The following C8orf34 variants were observed in gnomAD, a reference collection of about 807,000 sequenced individuals.
The protein encoded by C8orf34 is chromosome 8 open reading frame 34, also known as uncharacterized protein C8orf34.
A neutral mutation model predicts 68.3 loss-of-function variants in C8orf34; 65 were observed. That is an observed-to-expected ratio of 0.95 (90% CI 0.78 to 1.17). The LOEUF (loss-of-function observed/expected upper bound fraction) is 1.17, where lower values mean the gene tolerates loss of function less well. Among genes scored for constraint, C8orf34 ranks in the 50% most tolerant of loss-of-function variants. C8orf34 has a pLI of 0.00. For synonymous variants in C8orf34, 244 were observed against 241.2 expected (o/e 1.01, Z -0.11); for missense variants, 664 against 655.4 (o/e 1.01, Z -0.14).
At chr8:68,403,240 G>A (rs770442959) in intron 1 of C8orf34, among the ~76,000 whole-genome samples, 4 of 151,862 alleles carry the variant, frequency 2.6e-5, no homozygotes, top group Non-Finnish European at 4.4e-5. Context: ...AGTGATTCCT[G>A]TGTCATGCTC....
chr8:68,724,947 C>T (rs1367739380), intron 10 of C8orf34, among the ~76,000 whole-genome samples: 1 of 151,992 alleles, frequency 6.6e-6, no homozygotes, highest in Admixed American at 6.6e-5. Context: ...GCAGCCTTGA[C>T]CTTCTGGGCT....
chr8:68,640,278 G>C (rs1818965566), intron 7 of C8orf34, 98 bp from the exon 8 acceptor site: 2 of 1,122,014 alleles, frequency 1.8e-6, no homozygotes, highest in Non-Finnish European at 2.6e-6. Flanking sequence ...ATATTGTTTT[G>C]CTTAACAAAC....
intron 7 of C8orf34, among the ~76,000 whole-genome samples, chr8:68,555,435 C>G (rs923309604): frequency 1.2e-4 from 19 of 152,046 alleles, no homozygotes; most frequent in Non-Finnish European, 2.9e-5. Context: ...TTCATGCATT[C>G]TACTTACATT....
At chr8:68,801,327 G>A (rs1032167402) in intron 12 of C8orf34, among the ~76,000 whole-genome samples, 37 of 152,158 alleles carry the variant, frequency 2.4e-4, no homozygotes, top group African/African-American at 8.9e-4. Flanking sequence ...AAAAACAGAA[G>A]ATACGGCAAT....
At chr8:68,594,661 T>C (rs941297671) in intron 7 of C8orf34, among the ~76,000 whole-genome samples, 1 of 152,140 alleles carries the variant, frequency 6.6e-6, no homozygotes. Flanking sequence ...TATATTTCTA[T>C]GTTCTACTAT....
intron 3 of C8orf34, among the ~76,000 whole-genome samples, chr8:68,460,306 G>C (rs1373151234): frequency 6.6e-6 from 1 of 152,236 alleles, no homozygotes; most frequent in South Asian, 2.1e-4. Context: ...ACTGCTTGGA[G>C]CCCACCACAG....
intron 5 of C8orf34, among the ~76,000 whole-genome samples, chr8:68,512,586 T>TA (rs1321535893): frequency 6.6e-6 from 1 of 152,156 alleles, no homozygotes; most frequent in Non-Finnish European, 1.5e-5. Context: ...TTTAAATAAG[T>TA]AAAAACCTTT....
At chr8:68,559,205 G>A (rs982691228) in intron 7 of C8orf34, among the ~76,000 whole-genome samples, 3 of 152,188 alleles carry the variant, frequency 2.0e-5, no homozygotes, top group African/African-American at 7.2e-5. Context: ...AGGAATACAG[G>A]TGGAAGATGA....
At chr8:68,698,045 A>G (rs1340714460) in intron 8 of C8orf34, among the ~76,000 whole-genome samples, 1 of 151,588 alleles carries the variant, frequency 6.6e-6, no homozygotes, top group Non-Finnish European at 1.5e-5. Flanking sequence ...TCCTTTATTT[A>G]CTCTTCAAAA....
At chr8:68,661,713 C>G (rs1819684748) in intron 8 of C8orf34, among the ~76,000 whole-genome samples, 1 of 152,082 alleles carries the variant, frequency 6.6e-6, no homozygotes, top group African/African-American at 2.4e-5. Context: ...CTGCTGCAGG[C>G]ATGTTTAGGT....
chr8:68,539,252 T>C (rs1026736786), intron 7 of C8orf34, among the ~76,000 whole-genome samples: 2 of 152,060 alleles, frequency 1.3e-5, no homozygotes, highest in Non-Finnish European at 2.9e-5. Flanking sequence ...TGTTTAGCCA[T>C]AGTAGTAATT....
At chr8:68,517,486 ACT>A (rs1483648496) in intron 5 of C8orf34, among the ~76,000 whole-genome samples, 1 of 152,062 alleles carries the variant, frequency 6.6e-6, no homozygotes, top group African/African-American at 2.4e-5. Flanking sequence ...AACTCCTCTG[ACT>A]CTGTTTGCAG....
At chr8:68,429,574 C>G (rs149049241) in intron 1 of C8orf34, among the ~76,000 whole-genome samples, 11 of 152,352 alleles carry the variant, frequency 7.2e-5, no homozygotes, top group African/African-American at 2.6e-4. Flanking sequence ...CAAGACTGAT[C>G]ATAGCAGCCC....
At chr8:68,640,705 A>C (rs1327906462) in intron 8 of C8orf34, among the ~76,000 whole-genome samples, 194 bp downstream of exon 8, 1 of 152,180 alleles carries the variant, frequency 6.6e-6, no homozygotes, top group Admixed American at 6.5e-5. Flanking sequence ...ACAATGAATC[A>C]AAGAGTTTAG....
chr8:68,485,851 G>T (rs898982632), intron 4 of C8orf34, among the ~76,000 whole-genome samples: 4 of 151,718 alleles, frequency 2.6e-5, no homozygotes, highest in Non-Finnish European at 4.4e-5. Context: ...CTTTGGGTGA[G>T]AAACAGAATT....
intron 1 of C8orf34, among the ~76,000 whole-genome samples, chr8:68,335,242 A>G (rs1805801462): frequency 6.6e-6 from 1 of 152,204 alleles, no homozygotes; most frequent in African/African-American, 2.4e-5. Context: ...CCCCTCCAGA[A>G]AGATATTTTA....
chr8:68,760,359 A>T (rs1822988057), intron 10 of C8orf34, among the ~76,000 whole-genome samples: 1 of 152,190 alleles, frequency 6.6e-6, no homozygotes, highest in Admixed American at 6.5e-5. Context: ...AGAAAGAGAG[A>T]CTTGGAAAAT....
At chr8:68,739,121 C>A (rs540089336) in intron 10 of C8orf34, among the ~76,000 whole-genome samples, 4 of 152,010 alleles carry the variant, frequency 2.6e-5, no homozygotes, top group Non-Finnish European at 5.9e-5. Context: ...ATCCCTGGGA[C>A]GCATGGTTGG....
At chr8:68,750,980 C>G (rs1264325125) in intron 10 of C8orf34, among the ~76,000 whole-genome samples, 3 of 152,134 alleles carry the variant, frequency 2.0e-5, no homozygotes, top group African/African-American at 7.2e-5. Flanking sequence ...CTCTTTTACT[C>G]TAAAGCCTGT....
Sources: allele counts gnomAD v4.1 joint callset (sites outside exome capture counted in the v4.1 genomes callset), GRCh38; gene constraint gnomAD v4.1.1; transcripts MANE v1.5; gene names NCBI Gene and HGNC (gene_info 2026-07-23, HGNC 2026-07-21).